Variants in SMAD6 observed in about 807,000 individuals in gnomAD.
SMAD6 encodes SMAD family member 6.
In SMAD6, 103 loss-of-function variants were observed where a neutral mutation model predicts 39.4. The ratio of observed to expected loss-of-function variants is 2.62; its 90% CI spans 2.23 to 3.08. The LOEUF (loss-of-function observed/expected upper bound fraction) is 3.08, where lower values mean the gene tolerates loss of function less well. Ranked by LOEUF, SMAD6 falls within the 30% of genes most tolerant of loss-of-function variation. The pLI, the probability that SMAD6 is intolerant of heterozygous loss-of-function variation, is 0.00. For missense variants in SMAD6, 1,104 were observed against 742.9 expected, an observed-to-expected ratio of 1.49 and a Z score of -5.65; for synonymous variants, 445 against 353.3, an observed-to-expected ratio of 1.26 and a Z score of -2.91.
At chr15:66,719,959 G>A (rs960439853) in intron 3 of SMAD6, among the ~76,000 whole-genome samples, 4 of 152,186 alleles carry the variant, frequency 2.6e-5, no homozygotes, top group African/African-American at 9.7e-5. Flanking sequence ...AAGCAGATCT[G>A]GAGACCTTAC....
chr15:66,709,881 GC>G, intron 1 of SMAD6, among the ~76,000 whole-genome samples: 1 of 152,306 alleles, frequency 6.6e-6, no homozygotes, highest in African/African-American at 2.4e-5. Context: ...CTCAAGGCTG[GC>G]CTCTAGGCCT....
At chr15:66,776,144 C>T (rs1023861602) in intron 3 of SMAD6, among the ~76,000 whole-genome samples, 8 of 152,226 alleles carry the variant, frequency 5.3e-5, no homozygotes, top group African/African-American at 7.2e-5. Flanking sequence ...CCTCTTTCAC[C>T]GCAGGTGCCA....
At chr15:66,720,469 G>A (rs1893412805) in intron 3 of SMAD6, among the ~76,000 whole-genome samples, 1 of 152,146 alleles carries the variant, frequency 6.6e-6, no homozygotes, top group Non-Finnish European at 1.5e-5. Flanking sequence ...GCGGGAGCCT[G>A]AAGTGGCAGG....
chr15:66,761,014 A>G (rs1356933821), intron 3 of SMAD6, among the ~76,000 whole-genome samples: 1 of 152,192 alleles, frequency 6.6e-6, no homozygotes, highest in African/African-American at 2.4e-5. Flanking sequence ...ATGAATGAGA[A>G]CCTCCAGGGG....
chr15:66,768,095 G>T (rs2140666186), intron 3 of SMAD6, among the ~76,000 whole-genome samples: 1 of 149,634 alleles, frequency 6.7e-6, no homozygotes, highest in Admixed American at 6.8e-5. Flanking sequence ...TCAACCTCTA[G>T]AGTAGCTGGG....
intron 3 of SMAD6, among the ~76,000 whole-genome samples, chr15:66,777,922 C>G (rs965857727): frequency 1.3e-5 from 2 of 152,168 alleles, no homozygotes; most frequent in African/African-American, 4.8e-5. Flanking sequence ...ATGGGTTCAT[C>G]CCCAGTCATA....
At chr15:66,774,914 T>C (rs963287900) in intron 3 of SMAD6, among the ~76,000 whole-genome samples, 1 of 152,056 alleles carries the variant, frequency 6.6e-6, no homozygotes, top group African/African-American at 2.4e-5. Context: ...CAGGCTGGAG[T>C]GCAGTGGTGC....
chr15:66,737,721 A>G (rs1249892386), intron 3 of SMAD6, among the ~76,000 whole-genome samples: 1 of 151,796 alleles, frequency 6.6e-6, no homozygotes, highest in Non-Finnish European at 1.5e-5. Flanking sequence ...AAAAAAAAAA[A>G]GCAAGTGAGC....
intron 1 of SMAD6, chr15:66,707,101 C>A (rs1377394075): frequency 1.3e-5 from 2 of 152,134 alleles, no homozygotes; most frequent in South Asian, 2.1e-4. Flanking sequence ...CTCTGCCTCC[C>A]CCTTGGGTGT....
At chr15:66,721,726 C>A (rs1893435725) in intron 3 of SMAD6, among the ~76,000 whole-genome samples, 1 of 152,182 alleles carries the variant, frequency 6.6e-6, no homozygotes, top group Admixed American at 6.5e-5. Flanking sequence ...GTGGCCATCA[C>A]AGTGTTCCAG....
chr15:66,761,572 G>A (rs1447421867), intron 3 of SMAD6, among the ~76,000 whole-genome samples: 1 of 152,216 alleles, frequency 6.6e-6, no homozygotes, highest in African/African-American at 2.4e-5. Context: ...AGGATTATTT[G>A]TCTCCGTTCC....
At chr15:66,721,554 C>G (rs1893432660) in intron 3 of SMAD6, among the ~76,000 whole-genome samples, 1 of 152,182 alleles carries the variant, frequency 6.6e-6, no homozygotes, top group Non-Finnish European at 1.5e-5. Context: ...AGTCGGCCAT[C>G]TATTAGTTGT....
At chr15:66,776,900 G>A (rs540538643) in intron 3 of SMAD6, among the ~76,000 whole-genome samples, 2 of 151,862 alleles carry the variant, frequency 1.3e-5, no homozygotes, top group African/African-American at 4.8e-5. Context: ...GGCAAAACCC[G>A]GTGGTGTGTG....
intron 3 of SMAD6, among the ~76,000 whole-genome samples, chr15:66,760,889 C>T (rs899139147): frequency 6.6e-6 from 1 of 152,142 alleles, no homozygotes. Context: ...AACTCCCTCC[C>T]CACCATGCCA....
intron 3 of SMAD6, among the ~76,000 whole-genome samples, chr15:66,776,564 C>G (rs1435881231): frequency 6.6e-6 from 1 of 152,156 alleles, no homozygotes; most frequent in Non-Finnish European, 1.5e-5. Flanking sequence ...GAGTAGAATT[C>G]TGGGCTCTCA....
chr15:66,712,029 C>T (rs1256077799), intron 2 of SMAD6, among the ~76,000 whole-genome samples: 4 of 152,184 alleles, frequency 2.6e-5, no homozygotes, highest in African/African-American at 9.7e-5. Flanking sequence ...TGCATCTCAC[C>T]GGAGGTGGGT....
At chr15:66,760,556 G>C (rs933939422) in intron 3 of SMAD6, among the ~76,000 whole-genome samples, 4 of 152,206 alleles carry the variant, frequency 2.6e-5, no homozygotes, top group Admixed American at 2.6e-4. Flanking sequence ...GGCTGCTCCT[G>C]ATCTCATGTC....
chr15:66,772,617 A>G (rs1435745164), intron 3 of SMAD6, among the ~76,000 whole-genome samples: 2 of 152,320 alleles, frequency 1.3e-5, no homozygotes, highest in Middle Eastern at 6.8e-3. Flanking sequence ...TGCAGTGCCT[A>G]TTTTGAGCCA....
At chr15:66,718,472 A>G (rs773034471) in intron 3 of SMAD6, among the ~76,000 whole-genome samples, 10 of 152,210 alleles carry the variant, frequency 6.6e-5, no homozygotes, top group Non-Finnish European at 1.2e-4. Context: ...AATGTGTCCA[A>G]TGCTTTAGAA....
Sources: gnomAD v4.1 joint callset for allele counts (sites outside exome capture counted in the v4.1 genomes callset) on GRCh38, gnomAD v4.1.1 for gene constraint, MANE v1.5 for transcripts, NCBI Gene and HGNC (gene_info 2026-07-23, HGNC 2026-07-21) for gene names.